SLC27A1: variants seen among roughly 807,000 people sequenced by gnomAD.
SLC27A1 encodes solute carrier family 27 member 1, also known as long-chain fatty acid transport protein 1.
A neutral mutation model predicts 62.2 loss-of-function variants in SLC27A1; 61 were observed. The observed-to-expected ratio is 0.98, with a 90% CI of 0.80 to 1.21. The LOEUF is 1.21. Ranked by LOEUF, SLC27A1 falls within the 50% of genes most tolerant of loss-of-function variation. The pLI, the probability that SLC27A1 is intolerant of heterozygous loss-of-function variation, is 0.00. For missense variants in SLC27A1, 903 were observed against 932.1 expected, an observed-to-expected ratio of 0.97 and a Z score of 0.41; for synonymous variants, 435 against 408.6, an observed-to-expected ratio of 1.06 and a Z score of -0.78.
At position 17,505,076 on chromosome 19, in the gene SLC27A1, T is replaced by C. The variant is rs528405411; in HGVS notation, c.*464T>C. On this transcript the variant is annotated 3_prime_UTR_variant, in exon 12 of 12. Coordinates refer to ENST00000252595, the MANE Select transcript of SLC27A1 (RefSeq NM_198580.3). ...GTCCAGCTAATTTTTATATTTTTAG[T>C]AGAGACGGGGTTTCACCATGTTGGT... 7.0e-5 allele frequency: 25 copies of C among 358,334 alleles called. No individual in the cohort carries two copies. The highest frequency in any genetic ancestry group is 4.7e-4 in the African/African-American group (22 of 46,834). 22.2% of individuals were successfully genotyped at this position (358,334 alleles called of 1,614,324 possible). A position where few individuals can be genotyped will look rare whatever the true frequency, so the allele number is the denominator to read the frequency against.
intron 1 of SLC27A1, among the ~76,000 whole-genome samples, chr19:17,478,206 C>T (rs762274418): frequency 8.5e-5 from 13 of 152,142 alleles, no homozygotes; most frequent in Non-Finnish European, 1.6e-4. Context: ...GTGGCTCATG[C>T]CTGTAATCCC....
At chr19:17,469,763 C>A (rs2075055391), upstream of SLC27A1, among the ~76,000 whole-genome samples, 1 of 151,308 alleles carries the variant, frequency 6.6e-6, no homozygotes, top group African/African-American at 2.4e-5. Context: ...AGGTGGCGAC[C>A]GAGCCAAAGC....
At chr19:17,495,364 C>G (rs1021196357) in intron 6 of SLC27A1, 1 of 149,074 alleles carries the variant, frequency 6.7e-6, no homozygotes, top group Admixed American at 6.8e-5. Flanking sequence ...CCACTGCAAG[C>G]TCCGCCTCCC....
At position 17,501,384 on chromosome 19, in the gene SLC27A1, T is replaced by A. The variant is rs369864347; in HGVS notation, c.1748T>A (p.Ile583Asn). 6.2e-7 allele frequency: 1 copy of A among 1,613,702 alleles called. No individual in the cohort carries two copies. The highest frequency in any genetic ancestry group is 8.5e-7 in the Non-Finnish European group (1 of 1,179,944). ...GTGCTGGCACCCTATGCCCGGCCCATCTTCCTGCGCCTCCTGCCCCAGGTG... is the reference window on the plus strand; with the variant it reads ...GTGCTGGCACCCTATGCCCGGCCCAACTTCCTGCGCCTCCTGCCCCAGGTG... ...QKVLAPYARP[I>N]FLRLLPQVDT... Residue 583 changes from isoleucine (I) to asparagine (N), a missense_variant, in exon 11 of 12, where the codon ATC (isoleucine) becomes AAC (asparagine). Transcript: ENST00000252595.
At chr19:17,470,511 C>T (rs1465538168), upstream of SLC27A1, 9 of 1,509,568 alleles carry the variant, frequency 6.0e-6, no homozygotes, top group Admixed American at 8.2e-5. Context: ...TGGAGCGGCC[C>T]GCGGCCTCAG....
In SLC27A1 at chr19:17,478,084, A is replaced by T. The variant is rs185516837; in HGVS notation, c.167+7377A>T. Reference sequence around the variant, plus strand: ...CCTGAAGAAAGCTGCTGTAACACACATATTTTCTCCATGAGGCACATCACA... The same window carrying T: ...CCTGAAGAAAGCTGCTGTAACACACTTATTTTCTCCATGAGGCACATCACA... On this transcript the variant is annotated intron_variant, in intron 1 of 11. Transcript: ENST00000252595. Among the ~76,000 whole-genome samples the T allele has an allele frequency of 6.6e-3, 1,011 of 152,184 alleles. 8 individuals carry two copies. The highest frequency in any genetic ancestry group is 0.012 in the Non-Finnish European group (815 of 68,004).
chr19:17,489,045 G>GCTGA lies in SLC27A1; in HGVS notation c.926_929dup (p.Val311AspfsTer117). Reference sequence around the variant, plus strand: ...GCGTGGGGCAGTGTCTCATCTATGGGCTGACAGTCGTCCTCCGCAAGAAAT... The same window carrying GCTGA: ...GCGTGGGGCAGTGTCTCATCTATGGGCTGACTGACAGTCGTCCTCCGCAAGAAAT... On this transcript the variant is annotated frameshift_variant, in exon 6 of 12. Coordinates refer to ENST00000252595, the MANE Select transcript of SLC27A1 (RefSeq NM_198580.3). LOFTEE classifies it high-confidence loss of function. The GCTGA allele has an allele frequency of 6.2e-7, 1 of 1,614,114 alleles. No individual in the cohort carries two copies. Among genetic ancestry groups the GCTGA allele is most frequent in the Non-Finnish European group, 8.5e-7 (1 of 1,180,016 alleles).
chr19:17,473,427 T>C (rs964655020), intron 1 of SLC27A1, among the ~76,000 whole-genome samples: 1 of 152,226 alleles, frequency 6.6e-6, no homozygotes, highest in Non-Finnish European at 1.5e-5. Context: ...TTCACCTTTA[T>C]GTTGAATGGG....
At chr19:17,470,091 A>G (rs2144529960), upstream of SLC27A1, among the ~76,000 whole-genome samples, 1 of 152,128 alleles carries the variant, frequency 6.6e-6, no homozygotes, top group Non-Finnish European at 1.5e-5. Flanking sequence ...GTGAAGGGTA[A>G]TTCGGGGATC....
At chr19:17,475,186 AT>A (rs2075111335) in intron 1 of SLC27A1, among the ~76,000 whole-genome samples, 1 of 152,160 alleles carries the variant, frequency 6.6e-6, no homozygotes, top group Non-Finnish European at 1.5e-5. Context: ...GAATGCTGGT[AT>A]TACAGGCTGA....
rs534168024 is a variant in SLC27A1, at chr19:17,482,279, C to G, written c.168-4284C>G. On this transcript the variant is annotated intron_variant, in intron 1 of 11. Coordinates refer to ENST00000252595, the MANE Select transcript of SLC27A1 (RefSeq NM_198580.3). ...AACGCCTGTAATCCCAGCACTTTGC[C>G]GGGGTGAGGCAGGCGGATCACCTGA... is the stretch of plus-strand genomic sequence containing the variant. Among the ~76,000 whole-genome samples the G allele has an allele frequency of 2.3e-4, 35 of 152,190 alleles. No homozygotes were observed. The South Asian group carries it at 7.3e-3, about 32-fold the overall frequency.
chr19:17,486,513 C>A lies in SLC27A1; in HGVS notation c.168-50C>A. 6.6e-7 allele frequency: 1 copy of A among 1,508,940 alleles called. No individual in the cohort carries two copies. The highest frequency in any genetic ancestry group is 8.8e-7 in the Non-Finnish European group (1 of 1,131,538). 93.5% of individuals were successfully genotyped at this position (1,508,940 alleles called of 1,614,324 possible). On this transcript the variant is annotated intron_variant, in intron 1 of 11. Coordinates refer to ENST00000252595, the MANE Select transcript of SLC27A1 (RefSeq NM_198580.3). The surrounding 1 kb of genome is among the most constrained non-coding windows in gnomAD (Gnocchi z 6.6). ...CGGGGAGGCTGAGGCTCCCAGAGGC[C>A]AGGCGGGGCAGGGCACCAGTGACGC...
chr19:17,486,940 G>T lies in SLC27A1; in HGVS notation c.545G>T (p.Gly182Val). ...GTSGAKALIF[G>V]GEMVAAVAEV... ...TCGGGCGCTAAGGCCCTGATCTTTG[G>T]AGGAGAAATGGTGGCGGGTGAGGCC... The change falls in exon 2 of 12, where the codon GGA becomes GTA. Residue 182 changes from glycine (G) to valine (V), a missense_variant. Coordinates refer to ENST00000252595, the MANE Select transcript of SLC27A1 (RefSeq NM_198580.3). This position sits in a 1 kb window ranked among gnomAD's most constrained non-coding sequence, Gnocchi z 6.6. 6.3e-7 allele frequency: 1 copy of T among 1,582,342 alleles called. No individual in the cohort carries two copies. The highest frequency in any genetic ancestry group is 2.2e-5 in the East Asian group (1 of 44,638).
chr19:17,493,907 T>C (rs1442440131), intron 6 of SLC27A1, among the ~76,000 whole-genome samples: 1 of 152,126 alleles, frequency 6.6e-6, no homozygotes, highest in African/African-American at 2.4e-5. Context: ...ATTACAGCCA[T>C]GAGCCACAGC....
At chr19:17,471,254 C>T (rs1198534178) in intron 1 of SLC27A1, among the ~76,000 whole-genome samples, 4 of 151,934 alleles carry the variant, frequency 2.6e-5, no homozygotes, top group East Asian at 1.9e-4. Context: ...AAGGACTTCC[C>T]GGGTTTCTGA....
At chr19:17,500,250 C>T in intron 7 of SLC27A1, 28 bp from the exon 8 acceptor site, 1 of 1,609,030 alleles carries the variant, frequency 6.2e-7, no homozygotes, top group East Asian at 2.2e-5. Context: ...ATCCCCGGCT[C>T]CTTCCAACTC....
In SLC27A1 at chr19:17,488,875, C is replaced by T; in HGVS notation, c.822C>T (p.His274=). The stretch of plus-strand genomic sequence containing the variant: ...ACTACCGCATGGCAGCCTTCGGCCA[C>T]CACGCCTACCGCATGCAGGCGGCTG... ...SRYYRMAAFG[H]HAYRMQAADV... is the part of the protein sequence containing the mutation. The change falls in exon 5 of 12, where the codon CAC becomes CAT. Residue 274 remains histidine (H), a synonymous_variant. Coordinates refer to ENST00000252595, the MANE Select transcript of SLC27A1 (RefSeq NM_198580.3). The T allele has an allele frequency of 6.2e-7, 1 of 1,614,012 alleles. No homozygotes were observed. Among genetic ancestry groups the T allele is most frequent in the East Asian group, 2.2e-5 (1 of 44,880 alleles).
chr19:17,490,377 C>T (rs1455789575), intron 6 of SLC27A1, among the ~76,000 whole-genome samples: 2 of 152,052 alleles, frequency 1.3e-5, no homozygotes, highest in African/African-American at 4.8e-5. Context: ...TGGTCTCAAA[C>T]TCCTGGGTTC....
In SLC27A1 at chr19:17,470,550, C is replaced by T; in HGVS notation, c.10C>T (p.Pro4Ser). Residue 4 changes from proline (P) to serine (S), a missense_variant, in exon 1 of 12, where the codon CCG (proline) becomes TCG (serine). Physicochemically the swap from Pro to Ser is moderately conservative, Grantham distance 74. Transcript: ENST00000252595. ...TCTCTGCTTCCCCAGGATGCGGGCT[C>T]CGGGTGCGGGCGCGGCCTCGGTGGT... MRA[P>S]GAGAASVVSL... The T allele has an allele frequency of 2.6e-6, 4 of 1,557,652 alleles. No homozygotes were observed. Among genetic ancestry groups the T allele is most frequent in the Non-Finnish European group, 3.4e-6 (4 of 1,161,376 alleles).
Sources: gnomAD v4.1 joint callset for allele counts (sites outside exome capture counted in the v4.1 genomes callset) on GRCh38, gnomAD v4.1.1 for gene constraint, Gnocchi (gnomAD v3.1) non-coding constraint, MANE v1.5 for transcripts, NCBI Gene and HGNC (gene_info 2026-07-23, HGNC 2026-07-21) for gene names.